The following KLF17 variants were observed in gnomAD, a reference collection of about 807,000 sequenced individuals.
KLF17 encodes KLF transcription factor 17.
Under a neutral mutation model 34.2 loss-of-function variants are expected in KLF17, and 31 were observed. The observed-to-expected ratio is 0.91, with a 90% CI of 0.68 to 1.22. The LOEUF is 1.22. Among genes scored for constraint, KLF17 ranks in the 50% most tolerant of loss-of-function variants. The pLI is 0.00. For missense variants in KLF17, 478 were observed against 505.2 expected, an observed-to-expected ratio of 0.95 and a Z score of 0.52; for synonymous variants, 179 against 186.7, an observed-to-expected ratio of 0.96 and a Z score of 0.34.
intron 3 of KLF17, among the ~76,000 whole-genome samples, chr1:44,132,057 A>C (rs1158760910): frequency 6.6e-6 from 1 of 152,184 alleles, no homozygotes; most frequent in Non-Finnish European, 1.5e-5. Context: ...CTGTAATCCC[A>C]ATACTTTGGG....
upstream of KLF17, chr1:44,115,714 G>A (rs11578141): frequency 1.3e-5 from 2 of 152,096 alleles, no homozygotes; most frequent in Non-Finnish European, 2.9e-5. Context: ...ATCTTATTTA[G>A]ATGCTTTGGT....
chr1:44,131,721 G>T (rs867621096), intron 3 of KLF17, among the ~76,000 whole-genome samples: 52 of 152,168 alleles, frequency 3.4e-4, no homozygotes, highest in African/African-American at 1.2e-3. Flanking sequence ...TTGAGACAGA[G>T]TCTTGCTCTG....
rs1215024029 is a variant in KLF17, at chr1:44,129,843, T to C, written c.572T>C (p.Leu191Ser). The C allele has an allele frequency of 1.2e-6, 2 of 1,614,116 alleles. No homozygotes were observed. The highest frequency in any genetic ancestry group is 1.7e-5 in the Admixed American group (1 of 60,028). ...GLSTVPSDET[L>S]LGPTVPSTEA... ...TCGACAGTACCTTCTGACGAAACAT[T>C]GTTGGGCCCGACTGTGCCTTCCACT... Residue 191 changes from leucine to serine, a missense_variant, in exon 2 of 4, where the codon TTG becomes TCG. Transcript: ENST00000372299.
chr1:44,050,066 G>A, the KLF17 span, among the ~76,000 whole-genome samples: 2 of 152,198 alleles, frequency 1.3e-5, no homozygotes, highest in African/African-American at 4.8e-5. Flanking sequence ...TACAGTTACT[G>A]TCTCCTGGCA....
the KLF17 span, chr1:44,103,297 C>T: frequency 2.8e-6 from 2 of 719,822 alleles, no homozygotes; most frequent in Non-Finnish European, 5.0e-6. Flanking sequence ...GAGGGGCTGC[C>T]CTGGCTGTTC....
At chr1:44,100,629 TTTTTGTTTTTGTTTTG>T in the KLF17 span, among the ~76,000 whole-genome samples, 9 of 138,578 alleles carry the variant, frequency 6.5e-5, no homozygotes, top group Non-Finnish European at 9.8e-5. Context: ...TTTGTTTTTG[TTTTTGTTTTTGTTTTG>T]TTTTGTTTTG....
chr1:44,103,777 C>T, the KLF17 span: 3 of 1,016,790 alleles, frequency 3.0e-6, no homozygotes, highest in South Asian at 2.5e-5. Context: ...TCTGTGATGG[C>T]GGCCTCCAGG....
the KLF17 span, among the ~76,000 whole-genome samples, chr1:44,061,837 G>A: frequency 3.3e-5 from 5 of 152,160 alleles, no homozygotes; most frequent in Non-Finnish European, 7.4e-5. Flanking sequence ...AGAATCACTT[G>A]AACCTGGGAG....
At chr1:44,123,291 G>A (rs916012285) in intron 1 of KLF17, among the ~76,000 whole-genome samples, 6 of 152,076 alleles carry the variant, frequency 3.9e-5, no homozygotes, top group Non-Finnish European at 8.8e-5. Context: ...CGAACTCCTG[G>A]CCTCAAGCGA....
At chr1:44,074,748 G>A in the KLF17 span, 3 of 152,190 alleles carry the variant, frequency 2.0e-5, no homozygotes, top group African/African-American at 7.2e-5. Flanking sequence ...TGCGACTAGG[G>A]TTCCAAGCCT....
the KLF17 span, among the ~76,000 whole-genome samples, chr1:44,098,328 T>G: frequency 7.9e-5 from 12 of 152,224 alleles, no homozygotes; most frequent in Admixed American, 7.8e-4. Flanking sequence ...ATCTCTGATT[T>G]TATTTATTTG....
the KLF17 span, among the ~76,000 whole-genome samples, chr1:44,070,941 T>TA: frequency 6.6e-6 from 1 of 152,176 alleles, no homozygotes; most frequent in Admixed American, 6.6e-5. Flanking sequence ...ATTTTGAAAA[T>TA]AAAAAAACTC....
At chr1:44,051,197 T>C in the KLF17 span, 1 of 152,298 alleles carries the variant, frequency 6.6e-6, no homozygotes, top group Non-Finnish European at 1.5e-5. Context: ...AATGGAGAGA[T>C]GGCAAGAAAT....
chr1:44,108,660 C>CTTTTTTT, the KLF17 span, among the ~76,000 whole-genome samples: 558 of 75,324 alleles, frequency 7.4e-3, 39 homozygotes, highest in African/African-American at 0.013. Context: ...TTTGTTAGCT[C>CTTTTTTT]TTTTTTTTTT....
the KLF17 span, among the ~76,000 whole-genome samples, chr1:44,113,295 G>A: frequency 2.6e-5 from 4 of 151,800 alleles, no homozygotes; most frequent in Admixed American, 1.3e-4. Flanking sequence ...CACACTTTGA[G>A]TAGCACCAAA....
chr1:44,087,757 TATATATATATATAC>T, the KLF17 span, among the ~76,000 whole-genome samples: 68 of 53,616 alleles, frequency 1.3e-3, no homozygotes, highest in East Asian at 4.3e-3. Context: ...TATATATATA[TATATATATATATAC>T]ACACACACAC....
the KLF17 span, among the ~76,000 whole-genome samples, chr1:44,080,713 A>ATTTTTTTTT: frequency 2.2e-5 from 2 of 92,678 alleles, no homozygotes; most frequent in African/African-American, 9.7e-5. Flanking sequence ...ATTATATTGA[A>ATTTTTTTTT]TTTTTTTTTT....
At chr1:44,057,197 G>T in the KLF17 span, among the ~76,000 whole-genome samples, 1 of 152,148 alleles carries the variant, frequency 6.6e-6, no homozygotes, top group African/African-American at 2.4e-5. Flanking sequence ...TGCCTCCCTA[G>T]ACTTCCATTC....
At chr1:44,104,237 G>A in the KLF17 span, 5 of 1,235,346 alleles carry the variant, frequency 4.0e-6, no homozygotes, top group Non-Finnish European at 3.5e-6. Context: ...TCTCATCCTC[G>A]TACTTGTTCT....
Sources: gnomAD v4.1 joint callset for allele counts (sites outside exome capture counted in the v4.1 genomes callset) on GRCh38, gnomAD v4.1.1 for gene constraint, MANE v1.5 for transcripts, NCBI Gene and HGNC (gene_info 2026-07-23, HGNC 2026-07-21) for gene names.